ESYT2: variants seen among roughly 807,000 people sequenced by gnomAD.
ESYT2 encodes the protein extended synaptotagmin-2.
In ESYT2, 54 loss-of-function variants were observed where a neutral mutation model predicts 107.2. That is an observed-to-expected ratio of 0.50 (90% CI 0.40 to 0.63). The LOEUF (loss-of-function observed/expected upper bound fraction) is 0.63. Ranked by LOEUF, ESYT2 falls within the 30% of genes least tolerant of loss-of-function variation. The pLI is 0.00. For missense variants in ESYT2, 1,020 were observed against 1,094.5 expected (o/e 0.93, Z 0.96); for synonymous variants, 491 against 434.1 (o/e 1.13, Z -1.63).
At chr7:158,742,519 G>A (rs904481151) in intron 17 of ESYT2, among the ~76,000 whole-genome samples, 12 of 152,180 alleles carry the variant, frequency 7.9e-5, no homozygotes, top group African/African-American at 2.7e-4. Context: ...TTCTACATAA[G>A]GGGTTTCCAC....
chr7:158,781,881 GT>G (rs1838842136), intron 6 of ESYT2, among the ~76,000 whole-genome samples: 1 of 19,274 alleles, frequency 5.2e-5, no homozygotes, highest in Admixed American at 7.2e-4. Flanking sequence ...ACGAGAACAA[GT>G]AAGAACGAGA....
At chr7:158,748,933 A>C (rs1257113804) in intron 15 of ESYT2, among the ~76,000 whole-genome samples, 1 of 151,796 alleles carries the variant, frequency 6.6e-6, no homozygotes, top group African/African-American at 2.4e-5. Flanking sequence ...AGCAATATGT[A>C]ATAGCCATAC....
chr7:158,806,679 T>G (rs1266496169), intron 1 of ESYT2, among the ~76,000 whole-genome samples: 2 of 152,222 alleles, frequency 1.3e-5, no homozygotes, highest in African/African-American at 4.8e-5. Flanking sequence ...TTAGACATTT[T>G]CCTGTCTCTG....
intron 7 of ESYT2, among the ~76,000 whole-genome samples, chr7:158,771,093 G>C (rs1389146171): frequency 6.6e-6 from 1 of 152,328 alleles, no homozygotes; most frequent in South Asian, 2.1e-4. Context: ...ATTTATCTCT[G>C]TATTTACGTG....
At chr7:158,772,750 C>T (rs1221631160) in intron 7 of ESYT2, among the ~76,000 whole-genome samples, 1 of 152,070 alleles carries the variant, frequency 6.6e-6, no homozygotes, top group African/African-American at 2.4e-5. Context: ...GTTTTAGACA[C>T]TAGATCACTA....
chr7:158,795,405 A>G (rs1168754791), intron 3 of ESYT2, among the ~76,000 whole-genome samples: 1 of 152,234 alleles, frequency 6.6e-6, no homozygotes, highest in Non-Finnish European at 1.5e-5. Context: ...CCTAAAATAA[A>G]CCCAGCTGAG....
chr7:158,776,663 T>G (rs532728719), intron 6 of ESYT2, among the ~76,000 whole-genome samples: 17 of 152,356 alleles, frequency 1.1e-4, no homozygotes, highest in African/African-American at 3.8e-4. Flanking sequence ...CTCCAGGCAC[T>G]AAAACTTTCT....
At chr7:158,821,085 C>T (rs1007841515) in intron 1 of ESYT2, among the ~76,000 whole-genome samples, 2 of 152,098 alleles carry the variant, frequency 1.3e-5, no homozygotes, top group African/African-American at 2.4e-5. Context: ...CTTTAACAAA[C>T]ATTATAGAAC....
chr7:158,741,948 C>G (rs763635022), intron 17 of ESYT2, 52 bp from the exon 18 acceptor site: 3 of 1,505,310 alleles, frequency 2.0e-6, no homozygotes, highest in Admixed American at 2.3e-5. Context: ...TGGTAACATC[C>G]TAATACTGGA....
At position 158,796,735 on chromosome 7, in the gene ESYT2, G is replaced by A. The variant is rs1329817285; in HGVS notation, c.507+1207C>T. ...GCAGATGGGAAGGGGCAGTGCGGGC[G>A]AGAGGGAAGCAGGACGGTCTCCCAG... On this transcript the variant is annotated intron_variant, in intron 3 of 22. Transcript: ENST00000275418. 3.3e-5 allele frequency among the ~76,000 whole-genome samples: 5 copies of A among 152,102 alleles called. No homozygotes were observed. In the East Asian group the frequency reaches 7.7e-4, roughly 23 times the overall value.
intron 1 of ESYT2, among the ~76,000 whole-genome samples, chr7:158,827,842 G>T (rs769901759): frequency 3.3e-5 from 5 of 152,168 alleles, no homozygotes; most frequent in Non-Finnish European, 7.3e-5. Flanking sequence ...AAGCCTAATG[G>T]AAGAATCATT....
At chr7:158,813,212 T>C (rs962852034) in intron 1 of ESYT2, among the ~76,000 whole-genome samples, 4 of 152,158 alleles carry the variant, frequency 2.6e-5, no homozygotes, top group Admixed American at 6.5e-5. Context: ...TATATGACAT[T>C]CTAGAAAGGG....
chr7:158,747,575 T>C (rs1157340565), intron 16 of ESYT2, among the ~76,000 whole-genome samples: 2 of 152,104 alleles, frequency 1.3e-5, no homozygotes, highest in Non-Finnish European at 2.9e-5. Context: ...ACTGGCGAGA[T>C]GTGGGGCCCG....
At chr7:158,808,118 T>C (rs886832295) in intron 1 of ESYT2, among the ~76,000 whole-genome samples, 4 of 152,182 alleles carry the variant, frequency 2.6e-5, no homozygotes, top group Non-Finnish European at 5.9e-5. Context: ...CTGACCTGGA[T>C]CCAATTTGTT....
chr7:158,814,287 T>TTTTTTATATATATA (rs1219869401), intron 1 of ESYT2, among the ~76,000 whole-genome samples: 1 of 66,936 alleles, frequency 1.5e-5, no homozygotes, highest in African/African-American at 7.1e-5. Context: ...AAAAAAAAAA[T>TTTTTTATATATATA]TATATATATA....
At chr7:158,758,695 G>C (rs766368802) in intron 13 of ESYT2, among the ~76,000 whole-genome samples, 8 of 152,152 alleles carry the variant, frequency 5.3e-5, no homozygotes, top group Non-Finnish European at 1.0e-4. Context: ...TGAGTGCCTA[G>C]TCAGCAAGTG....
chr7:158,736,707 T>C (rs183264590), intron 20 of ESYT2, among the ~76,000 whole-genome samples: 12 of 152,332 alleles, frequency 7.9e-5, no homozygotes, highest in East Asian at 7.7e-4. Context: ...TAAAAATATA[T>C]GTATCCTTAA....
chr7:158,753,735 T>C (rs1269487239), intron 13 of ESYT2, among the ~76,000 whole-genome samples: 1 of 149,590 alleles, frequency 6.7e-6, no homozygotes, highest in Non-Finnish European at 1.5e-5. Context: ...GGAATTCACA[T>C]GACCCTAAAG....
At chr7:158,755,640 A>G (rs1030168349) in intron 13 of ESYT2, among the ~76,000 whole-genome samples, 1 of 152,154 alleles carries the variant, frequency 6.6e-6, no homozygotes, top group African/African-American at 2.4e-5. Context: ...TTAAGCAGTA[A>G]AACAGGTACT....
Sources: gnomAD v4.1 joint callset for allele counts (sites outside exome capture counted in the v4.1 genomes callset) on GRCh38, gnomAD v4.1.1 for gene constraint, MANE v1.5 for transcripts, NCBI Gene and HGNC (gene_info 2026-07-23, HGNC 2026-07-21) for gene names.